The following ZDHHC15 variants were observed in gnomAD, a reference collection of about 807,000 sequenced individuals.
ZDHHC15 encodes the protein zDHHC palmitoyltransferase 15, also known as palmitoyltransferase ZDHHC15.
A neutral mutation model predicts 31.7 loss-of-function variants in ZDHHC15; 19 were observed. The ratio of observed to expected loss-of-function variants is 0.60; its 90% CI spans 0.42 to 0.88. The LOEUF (loss-of-function observed/expected upper bound fraction) is 0.88, where lower values mean the gene tolerates loss of function less well. Ranked by LOEUF, ZDHHC15 falls within the 40% of genes least tolerant of loss-of-function variation. The pLI, the probability that ZDHHC15 is intolerant of heterozygous loss-of-function variation, is 0.00. For missense variants in ZDHHC15, 209 were observed against 251.2 expected (o/e 0.83, Z 1.14); for synonymous variants, 103 against 90.0 (o/e 1.14, Z -0.82).
intron 10 of ZDHHC15, among the ~76,000 whole-genome samples, chrX:75,388,997 C>T (rs767115028): frequency 8.9e-6 from 1 of 111,889 alleles, no homozygotes; most frequent in South Asian, 3.8e-4. Flanking sequence ...CCACCCCTCT[C>T]CCATCTCCTA....
chrX:75,412,436 C>T (rs1055928066), intron 10 of ZDHHC15, among the ~76,000 whole-genome samples: 2 of 103,639 alleles, frequency 1.9e-5, no homozygotes, highest in Admixed American at 2.1e-4. Context: ...GATTATTATT[C>T]TTTTTTTTTT....
At chrX:75,387,267 G>A (rs781138273) in intron 10 of ZDHHC15, among the ~76,000 whole-genome samples, 12 of 111,931 alleles carry the variant, frequency 1.1e-4, no homozygotes, top group Non-Finnish European at 2.3e-4. Flanking sequence ...AAACAGACAT[G>A]CATCCACAAG....
intron 2 of ZDHHC15, among the ~76,000 whole-genome samples, chrX:75,481,104 T>C (rs1247135773): frequency 9.1e-6 from 1 of 110,477 alleles, no homozygotes; most frequent in Non-Finnish European, 1.9e-5. Context: ...TGCCTTTAAA[T>C]TTTTTTTTAA....
At chrX:75,384,195 AT>A (rs1344813788) in intron 10 of ZDHHC15, among the ~76,000 whole-genome samples, 1 of 112,078 alleles carries the variant, frequency 8.9e-6, no homozygotes, top group Admixed American at 9.5e-5. Flanking sequence ...CACTTATCTA[AT>A]CATCCCAAAT....
At chrX:75,496,694 C>T (rs2085005100) in intron 2 of ZDHHC15, among the ~76,000 whole-genome samples, 3 of 111,170 alleles carry the variant, frequency 2.7e-5, no homozygotes, top group African/African-American at 9.8e-5. Context: ...GAAGTTAACT[C>T]CAAAAGGAAC....
intron 10 of ZDHHC15, among the ~76,000 whole-genome samples, chrX:75,407,503 T>TG (rs1381858884): frequency 1.0e-5 from 1 of 97,203 alleles, no homozygotes; most frequent in African/African-American, 3.8e-5. Context: ...GGGAGGGAGG[T>TG]GGGGGGCAGC....
intron 10 of ZDHHC15, among the ~76,000 whole-genome samples, chrX:75,401,614 C>T (rs775962212): frequency 2.7e-5 from 3 of 111,643 alleles, no homozygotes; most frequent in African/African-American, 9.8e-5. Flanking sequence ...CAACAGACTG[C>T]AAACCAACAA....
At chrX:75,442,881 G>T (rs1309388268) in intron 4 of ZDHHC15, among the ~76,000 whole-genome samples, 1 of 106,686 alleles carries the variant, frequency 9.4e-6, no homozygotes, top group East Asian at 3.0e-4. Context: ...AGCTACTCGG[G>T]AGGCTGAGGC....
intron 1 of ZDHHC15, among the ~76,000 whole-genome samples, chrX:75,518,675 C>G (rs1056930099): frequency 9.7e-6 from 1 of 102,648 alleles, no homozygotes; most frequent in South Asian, 4.6e-4. Flanking sequence ...GATATTCAAA[C>G]AAATACATGA....
chrX:75,414,424 A>ATTT (rs1429659130), intron 10 of ZDHHC15, among the ~76,000 whole-genome samples: 1 of 41,275 alleles, frequency 2.4e-5, no homozygotes, highest in Non-Finnish European at 5.3e-5. Flanking sequence ...AGCATATTTT[A>ATTT]TCTTTTTTTT....
chrX:75,437,413 T>G (rs2083871590), intron 4 of ZDHHC15, among the ~76,000 whole-genome samples: 1 of 89,104 alleles, frequency 1.1e-5, no homozygotes, highest in South Asian at 6.8e-4. Flanking sequence ...ATTAGGTATA[T>G]CTCCCAATGC....
intron 3 of ZDHHC15, among the ~76,000 whole-genome samples, chrX:75,472,422 GA>G (rs993381770): frequency 1.8e-5 from 2 of 112,234 alleles, no homozygotes; most frequent in African/African-American, 6.5e-5. Flanking sequence ...CATGGAGGAA[GA>G]AATGGCCAGA....
intron 7 of ZDHHC15, among the ~76,000 whole-genome samples, chrX:75,427,285 T>A (rs1301247728): frequency 3.5e-5 from 1 of 28,840 alleles, no homozygotes; most frequent in Non-Finnish European, 2.1e-4. Flanking sequence ...GCTAGCCTAC[T>A]GTGGAGAAAA....
chrX:75,488,495 A>T (rs1358430399), intron 2 of ZDHHC15, among the ~76,000 whole-genome samples: 5 of 112,681 alleles, frequency 4.4e-5, no homozygotes, highest in Non-Finnish European at 9.4e-5. Context: ...TTACCAAGCC[A>T]GCTCTACAAG....
chrX:75,401,424 C>T (rs1212087249), intron 10 of ZDHHC15, among the ~76,000 whole-genome samples: 2 of 111,218 alleles, frequency 1.8e-5, no homozygotes, highest in African/African-American at 6.5e-5. Context: ...GGCTAAATGC[C>T]CCACTTAAAA....
chrX:75,422,734 A>G (rs1444802418), intron 8 of ZDHHC15, among the ~76,000 whole-genome samples: 2 of 111,513 alleles, frequency 1.8e-5, no homozygotes, highest in Non-Finnish European at 3.8e-5. Context: ...CAAATGTGCT[A>G]ATCTACCACC....
At chrX:75,498,174 C>G (rs907772983) in intron 2 of ZDHHC15, among the ~76,000 whole-genome samples, 2 of 110,353 alleles carry the variant, frequency 1.8e-5, no homozygotes, top group Non-Finnish European at 3.8e-5. Context: ...CTCAGGTGAT[C>G]CGGCTGCCTC....
chrX:75,452,790 G>GGTAA (rs758798660), intron 3 of ZDHHC15, among the ~76,000 whole-genome samples: 1 of 110,519 alleles, frequency 9.0e-6, no homozygotes, highest in Non-Finnish European at 1.9e-5. Flanking sequence ...ATGACTACTG[G>GGTAA]ATAATGAAAT....
At chrX:75,420,145 G>T (rs757958159) in intron 9 of ZDHHC15, among the ~76,000 whole-genome samples, 94 of 110,593 alleles carry the variant, frequency 8.5e-4, no homozygotes, top group Non-Finnish European at 8.3e-4. Flanking sequence ...GTGGGCAAAG[G>T]ATATGAACAG....
Sources: gnomAD v4.1 joint callset for allele counts (sites outside exome capture counted in the v4.1 genomes callset) on GRCh38, gnomAD v4.1.1 for gene constraint, MANE v1.5 for transcripts, NCBI Gene and HGNC (gene_info 2026-07-23, HGNC 2026-07-21) for gene names.